The following SRGAP2C variants were observed in gnomAD, a reference collection of about 807,000 sequenced individuals.
SRGAP2C encodes SLIT-ROBO Rho GTPase activating protein 2C.
In SRGAP2C, 15 loss-of-function variants were observed where a neutral mutation model predicts 25.1. That is an observed-to-expected ratio of 0.60 (90% CI 0.40 to 0.92). The LOEUF is 0.92. Among genes scored for constraint, SRGAP2C ranks in the 40% least tolerant of loss-of-function variants. SRGAP2C has a pLI of 0.00. For synonymous variants in SRGAP2C, 44 were observed against 96.6 expected (o/e 0.46, Z 3.19); for missense variants, 144 against 264.4 (o/e 0.54, Z 3.16).
chr1:121,248,487 C>T (rs1263574458), intron 2 of SRGAP2C, among the ~76,000 whole-genome samples: 4 of 138,546 alleles, frequency 2.9e-5, no homozygotes, highest in East Asian at 4.1e-4. Flanking sequence ...TGCTCTGTCG[C>T]CCAGGCTGGA....
intron 2 of SRGAP2C, among the ~76,000 whole-genome samples, chr1:121,227,838 T>C (rs587674759): frequency 6.0e-4 from 90 of 151,026 alleles, no homozygotes; most frequent in African/African-American, 1.9e-3. Context: ...GGGAGCCAAG[T>C]GATATATCTG....
intron 2 of SRGAP2C, among the ~76,000 whole-genome samples, chr1:121,204,116 G>T (rs1655057966): frequency 9.6e-6 from 1 of 103,784 alleles, no homozygotes; most frequent in Admixed American, 9.7e-5. Context: ...GAGCCCAGAG[G>T]TTCAAGATGA....
Position 121,392,158 on chromosome 1 carries a change from AAAAT to A in SRGAP2C, c.*4307_*4310del, listed in dbSNP as rs1553358212. 1 of 152,228 alleles carries A rather than the reference AAAAT, an allele frequency of 6.6e-6. No individual in the cohort carries two copies. 9.4% of individuals were successfully genotyped at this position (152,228 alleles called of 1,614,324 possible). A position where few individuals can be genotyped will look rare whatever the true frequency, so the allele number is the denominator to read the frequency against. On this transcript the variant is annotated 3_prime_UTR_variant, in exon 10 of 10. Coordinates refer to ENST00000367123, the MANE Select transcript of SRGAP2C (RefSeq NM_001329984.2). ...TGTCTCTGAGAAACAGAAAGAATAAAAAATAAACAATGAGCAGAGACTAATGAAT... is the reference window on the plus strand; with the variant it reads ...TGTCTCTGAGAAACAGAAAGAATAAAAAACAATGAGCAGAGACTAATGAAT...
At chr1:121,315,115 A>G (rs1320545474) in intron 3 of SRGAP2C, 112,659 of 387,386 alleles carry the variant, frequency 0.29, 28,530 homozygotes, top group East Asian at 0.55. Flanking sequence ...TGCAGGCGGC[A>G]CGGCTCTGTG....
intron 2 of SRGAP2C, among the ~76,000 whole-genome samples, chr1:121,221,710 CAAAAAAAAA>C (rs782207301): frequency 4.6e-4 from 10 of 21,630 alleles, no homozygotes; most frequent in Middle Eastern, 0.016. Flanking sequence ...GACAACGTCT[CAAAAAAAAA>C]AAAAAAAAAA....
intron 4 of SRGAP2C, among the ~76,000 whole-genome samples, chr1:121,335,603 A>G (rs1314974893): frequency 6.7e-6 from 1 of 149,274 alleles, no homozygotes; most frequent in Non-Finnish European, 1.5e-5. Flanking sequence ...CTGATACTAC[A>G]GGTGTGTACC....
intron 3 of SRGAP2C, among the ~76,000 whole-genome samples, chr1:121,314,152 T>C (rs1431218473): frequency 0.99 from 88,459 of 89,016 alleles, 43,984 homozygotes; most frequent in East Asian, 1. Flanking sequence ...TCTAACCTTC[T>C]CTTCTGGCTT....
chr1:121,309,408 A>G (rs1164216501), intron 3 of SRGAP2C, among the ~76,000 whole-genome samples: 3 of 136,874 alleles, frequency 2.2e-5, no homozygotes, highest in East Asian at 2.3e-4. Flanking sequence ...TAGCACTACA[A>G]CTACACTGAA....
At chr1:121,300,434 T>A (rs1657679468) in intron 3 of SRGAP2C, among the ~76,000 whole-genome samples, 1 of 142,120 alleles carries the variant, frequency 7.0e-6, no homozygotes, top group South Asian at 2.3e-4. Context: ...AACTCACTTA[T>A]CACCACAGAG....
chr1:121,224,854 A>G (rs1299155654), intron 2 of SRGAP2C, among the ~76,000 whole-genome samples: 1 of 151,238 alleles, frequency 6.6e-6, no homozygotes, highest in Non-Finnish European at 1.5e-5. Context: ...AGTGAAAAGG[A>G]TGTGTACACA....
At chr1:121,350,701 C>T (rs1238546847) in intron 4 of SRGAP2C, among the ~76,000 whole-genome samples, 6 of 152,072 alleles carry the variant, frequency 3.9e-5, no homozygotes, top group African/African-American at 1.4e-4. Context: ...TGATTTCTTA[C>T]ATATGACACC....
intron 2 of SRGAP2C, among the ~76,000 whole-genome samples, chr1:121,219,209 G>T (rs1655471976): frequency 1.4e-5 from 2 of 145,026 alleles, no homozygotes; most frequent in South Asian, 4.4e-4. Context: ...GAGTAGATGT[G>T]AGTAATACAC....
intron 2 of SRGAP2C, among the ~76,000 whole-genome samples, chr1:121,192,422 C>T (rs1321453208): frequency 2.0e-5 from 3 of 151,468 alleles, no homozygotes; most frequent in South Asian, 2.1e-4. Flanking sequence ...AAGGTGAACT[C>T]CTGGAAGAAA....
intron 4 of SRGAP2C, chr1:121,361,209 TA>T (rs1659184346): frequency 1.1e-5 from 1 of 95,052 alleles, no homozygotes; most frequent in African/African-American, 3.8e-5. Context: ...AGTGCTGATC[TA>T]AATAACTAGA....
chr1:121,313,564 C>T (rs1426471419), intron 3 of SRGAP2C, among the ~76,000 whole-genome samples: 148 of 121,218 alleles, frequency 1.2e-3, no homozygotes, highest in South Asian at 1.6e-3. Flanking sequence ...TGGCTGGTAC[C>T]GGTTGTTCCT....
At chr1:121,238,345 G>A (rs1214289788) in intron 2 of SRGAP2C, among the ~76,000 whole-genome samples, 1 of 151,566 alleles carries the variant, frequency 6.6e-6, no homozygotes, top group African/African-American at 2.4e-5. Context: ...TGTGCTAGTT[G>A]TTGTACTCCT....
intron 2 of SRGAP2C, among the ~76,000 whole-genome samples, chr1:121,239,229 CTATATATATATATATACTA>C (rs1656054217): frequency 0.015 from 15 of 1,022 alleles, 5 homozygotes; most frequent in African/African-American, 0.14. Context: ...TATATATATA[CTATATATATATATATACTA>C]TATATATATA....
chr1:121,335,388 A>C (rs1553342381), intron 4 of SRGAP2C, among the ~76,000 whole-genome samples: 3,043 of 128,410 alleles, frequency 0.024, 71 homozygotes, highest in Non-Finnish European at 0.037. Context: ...ATAAATAAAT[A>C]AAACAACCAA....
At chr1:121,339,043 C>T (rs1490413676) in intron 4 of SRGAP2C, among the ~76,000 whole-genome samples, 136 of 151,450 alleles carry the variant, frequency 9.0e-4, no homozygotes, top group Non-Finnish European at 1.9e-4. Flanking sequence ...TATTTCCTTC[C>T]AATCTTTTTT....
Sources: allele counts gnomAD v4.1 joint callset (sites outside exome capture counted in the v4.1 genomes callset), GRCh38; gene constraint gnomAD v4.1.1; transcripts MANE v1.5; gene names NCBI Gene and HGNC (gene_info 2026-07-23, HGNC 2026-07-21).